The following GRAMD4 variants were observed in gnomAD, a reference collection of about 807,000 sequenced individuals.
GRAMD4 encodes GRAM domain-containing protein 4.
A neutral mutation model predicts 83.9 loss-of-function variants in GRAMD4; 25 were observed. The observed-to-expected ratio is 0.30, with a 90% CI of 0.22 to 0.42. The LOEUF is 0.42. Ranked by LOEUF, GRAMD4 falls within the 10% of genes least tolerant of loss-of-function variation. The pLI is 1.00. For missense variants in GRAMD4, 593 were observed against 788.7 expected (o/e 0.75, Z 2.97); for synonymous variants, 336 against 320.9 (o/e 1.05, Z -0.50).
chr22:46,593,669 G>T (rs2081232572), intron 1 of GRAMD4, among the ~76,000 whole-genome samples: 1 of 152,122 alleles, frequency 6.6e-6, no homozygotes, highest in African/African-American at 2.4e-5. Flanking sequence ...CATTGGCCTG[G>T]GGTCTGTGCT....
chr22:46,605,584 C>T (rs914632889), intron 1 of GRAMD4, among the ~76,000 whole-genome samples: 1 of 152,268 alleles, frequency 6.6e-6, no homozygotes, highest in South Asian at 2.1e-4. Context: ...ACAAGGGTTC[C>T]GGTTTCTCCC....
chr22:46,636,247 C>G (rs1197220283), intron 2 of GRAMD4, among the ~76,000 whole-genome samples: 1 of 152,228 alleles, frequency 6.6e-6, no homozygotes, highest in East Asian at 1.9e-4. Flanking sequence ...CAGCTTCCAG[C>G]ACCTGGGCTC....
intron 1 of GRAMD4, among the ~76,000 whole-genome samples, chr22:46,597,235 C>T (rs1865395775): frequency 6.6e-6 from 1 of 152,156 alleles, no homozygotes; most frequent in Admixed American, 6.5e-5. Context: ...TGTGTCCCTC[C>T]TGGCAGGAGG....
chr22:46,677,888 G>T lies in GRAMD4; in HGVS notation c.*637G>T. ...CGCTCCACGGGAACAGAGAGGGTGA[G>T]AAGGGCCCACCCCTCGCCTGCCCTC... On this transcript the variant is annotated 3_prime_UTR_variant, in exon 19 of 19. Coordinates refer to ENST00000406902, the MANE Select transcript of GRAMD4 (RefSeq NM_015124.5). The T allele has an allele frequency of 1.0e-6, 1 of 985,182 alleles. No individual in the cohort carries two copies. Among genetic ancestry groups the T allele is most frequent in the Non-Finnish European group, 1.2e-6 (1 of 829,666 alleles). The allele number at this position is 985,182 out of a possible 1,614,324, so 61.0% of individuals were successfully genotyped here. A position where few individuals can be genotyped will look rare whatever the true frequency, so the allele number is the denominator to read the frequency against.
rs1210303972 is a variant in GRAMD4, at chr22:46,672,830, C to T, written c.1085-13C>T. ...GAGCTCTAGATGGAGCAGGCTGTGT[C>T]CCCTGCCCTCAGGACTCTATGCTGG... On this transcript the variant is annotated splice_polypyrimidine_tract_variant and intron_variant, in intron 13 of 18. Coordinates refer to ENST00000406902, the MANE Select transcript of GRAMD4 (RefSeq NM_015124.5). The surrounding 1 kb of genome is among the most constrained non-coding windows in gnomAD (Gnocchi z 4.7). The T allele has an allele frequency of 6.2e-7, 1 of 1,604,150 alleles. No homozygotes were observed. Among genetic ancestry groups the T allele is most frequent in the Non-Finnish European group, 8.5e-7 (1 of 1,172,758 alleles).
At chr22:46,647,503 T>TG (rs111460928) in intron 3 of GRAMD4, among the ~76,000 whole-genome samples, 12 of 152,182 alleles carry the variant, frequency 7.9e-5, no homozygotes, top group East Asian at 5.8e-4. Flanking sequence ...ATCCTGCCAG[T>TG]GGGGGGCCTC....
At chr22:46,643,649 A>G (rs1335496757) in intron 3 of GRAMD4, among the ~76,000 whole-genome samples, 1 of 152,140 alleles carries the variant, frequency 6.6e-6, no homozygotes, top group East Asian at 1.9e-4. Context: ...CTGGAGCAGT[A>G]GTTCTTTGTT....
In GRAMD4 at chr22:46,678,920, G is replaced by A. The variant is rs1489114475; in HGVS notation, c.*1669G>A. Reference sequence around the variant, plus strand: ...CCCCGTGGCTCTGGACTGCGCGGACGTTGGCGTCAGGATGACCACACGGCG... The same window carrying A: ...CCCCGTGGCTCTGGACTGCGCGGACATTGGCGTCAGGATGACCACACGGCG... On this transcript the variant is annotated 3_prime_UTR_variant, in exon 19 of 19. Coordinates refer to ENST00000406902, the MANE Select transcript of GRAMD4 (RefSeq NM_015124.5). The A allele has an allele frequency of 1.8e-5, 18 of 985,776 alleles. No individual in the cohort carries two copies. Among genetic ancestry groups the A allele is most frequent in the Admixed American group, 6.1e-5 (1 of 16,270 alleles). The allele number at this position is 985,776 out of a possible 1,614,324, so 61.1% of individuals were successfully genotyped here.
chr22:46,668,950 A>G (rs1240070551), intron 13 of GRAMD4, 42 bp downstream of exon 13: 1 of 1,136,272 alleles, frequency 8.8e-7, no homozygotes, highest in East Asian at 2.3e-5. Context: ...AGGAGGAGGG[A>G]CACAGGTGTC....
intron 14 of GRAMD4, 21 bp downstream of exon 14, chr22:46,673,018 C>T (rs1004334286): frequency 1.2e-5 from 18 of 1,543,274 alleles, no homozygotes; most frequent in South Asian, 2.3e-5. Context: ...CCCCCAGCTG[C>T]GGGGATGGGG....
chr22:46,660,074 C>G (rs1247318402), intron 4 of GRAMD4, among the ~76,000 whole-genome samples: 1 of 152,190 alleles, frequency 6.6e-6, no homozygotes, highest in Non-Finnish European at 1.5e-5. Context: ...TGTTTCCCAT[C>G]CTCTCACTCC....
chr22:46,651,629 G>C (rs1008116199), intron 3 of GRAMD4, among the ~76,000 whole-genome samples: 1 of 152,238 alleles, frequency 6.6e-6, no homozygotes, highest in Non-Finnish European at 1.5e-5. Flanking sequence ...ACAGGTGCAG[G>C]GGGTCTTGGG....
intron 1 of GRAMD4, among the ~76,000 whole-genome samples, chr22:46,577,880 G>C (rs1364809130): frequency 2.0e-5 from 3 of 152,212 alleles, no homozygotes; most frequent in African/African-American, 7.2e-5. Context: ...AGGCCCGTGC[G>C]CCTGCCAGAA....
chr22:46,674,660 G>C lies in GRAMD4; in HGVS notation c.1388G>C (p.Cys463Ser). 6.2e-7 allele frequency: 1 copy of C among 1,608,984 alleles called. No homozygotes were observed. The highest frequency in any genetic ancestry group is 1.3e-5 in the African/African-American group (1 of 74,944). ...LTENERPLAVCENGWRCCLIN... is the reference protein window; with the variant it reads ...LTENERPLAVSENGWRCCLIN... The stretch of plus-strand genomic sequence containing the variant: ...CAGGCGGGCCTTCTCCCATTAGTGT[G>C]CGAGAATGGCTGGCGCTGCTGCCTC... The change falls in exon 16 of 19, where the codon TGC becomes TCC. Residue 463 changes from cysteine to serine, a missense_variant. Around this residue, in one of 4 missense-constraint regions of GRAMD4, gnomAD observed 171 missense variants for 199.6 expected, o/e 0.86. Coordinates refer to ENST00000406902, the MANE Select transcript of GRAMD4 (RefSeq NM_015124.5).
intron 1 of GRAMD4, among the ~76,000 whole-genome samples, chr22:46,592,001 C>T (rs1484364209): frequency 1.3e-5 from 2 of 149,988 alleles, no homozygotes; most frequent in Non-Finnish European, 3.0e-5. Context: ...AGGCTTGACA[C>T]AGCAAGGCCC....
chr22:46,585,080 A>G (rs762846319), intron 1 of GRAMD4, among the ~76,000 whole-genome samples: 3 of 152,044 alleles, frequency 2.0e-5, no homozygotes, highest in Non-Finnish European at 4.4e-5. Flanking sequence ...CCCTTGCAGA[A>G]GTTTTGGGAA....
chr22:46,587,599 G>C (rs957721476), intron 1 of GRAMD4, among the ~76,000 whole-genome samples: 3 of 152,050 alleles, frequency 2.0e-5, no homozygotes, highest in African/African-American at 7.2e-5. Flanking sequence ...AGGCCGGGGC[G>C]GGGGGCCAGT....
chr22:46,675,672 C>T (rs926816751), intron 17 of GRAMD4, 120 bp downstream of exon 17: 21 of 713,888 alleles, frequency 2.9e-5, no homozygotes, highest in East Asian at 1.6e-4. Flanking sequence ...GCCGCGGCCA[C>T]GCTGGCCGGC....
intron 1 of GRAMD4, among the ~76,000 whole-genome samples, chr22:46,614,143 C>T (rs1048557439): frequency 6.6e-6 from 1 of 152,216 alleles, no homozygotes; most frequent in Admixed American, 6.5e-5. Context: ...ATACTCGAAC[C>T]CCATCATTTC....
Sources: gnomAD v4.1 joint callset for allele counts (sites outside exome capture counted in the v4.1 genomes callset) on GRCh38, gnomAD v4.1.1 for gene constraint, gnomAD v4.1.1 regional missense constraint, Gnocchi (gnomAD v3.1) non-coding constraint, MANE v1.5 for transcripts, NCBI Gene and HGNC (gene_info 2026-07-23, HGNC 2026-07-21) for gene names.